USP9X: variants seen among roughly 807,000 people sequenced by gnomAD.
USP9X encodes ubiquitin specific peptidase 9 X-linked, also known as ubiquitin carboxyl-terminal hydrolase 9X.
Under a neutral mutation model 190.3 loss-of-function variants are expected in USP9X, and 7 were observed. The ratio of observed to expected loss-of-function variants is 0.04; its 90% CI spans 0.02 to 0.07. The LOEUF is 0.07. USP9X is among the 10% of genes least tolerant of loss of function. The probability of loss-of-function intolerance (pLI) is 1.00; values close to 1 mark genes in which losing one functional copy is unlikely to be tolerated. For missense variants in USP9X, 1,010 were observed against 1,916.9 expected (o/e 0.53, Z 8.83); for synonymous variants, 645 against 659.5 (o/e 0.98, Z 0.34).
At position 41,215,801 on chromosome X, in the gene USP9X, G is replaced by GATAAGTCTTAAT. The variant is rs763179651; in HGVS notation, c.5332-95_5332-84dup. On this transcript the variant is annotated intron_variant, in intron 34 of 44. Transcript: ENST00000378308. ...GTATTTGTTTATACTTAAAAATTCA[G>GATAAGTCTTAAT]ATAAGTCTTAATATCATTTAAAAGT... 12 of 877,607 alleles carry GATAAGTCTTAAT rather than the reference G, an allele frequency of 1.4e-5. No individual in the cohort carries two copies. The African/African-American group carries it at 2.3e-4, about 17-fold the overall frequency. The allele number at this position is 877,607 out of a possible 1,213,427, so 72.3% of individuals were successfully genotyped here. A position where few individuals can be genotyped will look rare whatever the true frequency, so the allele number is the denominator to read the frequency against.
At chrX:41,230,894 T>C (rs1482785155) in intron 44 of USP9X, among the ~76,000 whole-genome samples, 1 of 111,560 alleles carries the variant, frequency 9.0e-6, no homozygotes, top group Non-Finnish European at 1.9e-5. Context: ...TGCAAAGGAT[T>C]GTGGTGACAT....
chrX:41,092,850 A>G (rs1246510111), intron 1 of USP9X, among the ~76,000 whole-genome samples: 1 of 110,338 alleles, frequency 9.1e-6, no homozygotes, highest in Non-Finnish European at 1.9e-5. Context: ...CTGTTACCAT[A>G]GTTTGCCAGC....
chrX:41,183,952 T>G, intron 21 of USP9X, 46 bp from the exon 22 acceptor site: 1 of 1,169,922 alleles, frequency 8.5e-7, no homozygotes. Flanking sequence ...TAAATATGTA[T>G]GAACACATGA....
At chrX:41,139,638 G>A (rs1569164812) in intron 6 of USP9X, among the ~76,000 whole-genome samples, 1 of 112,300 alleles carries the variant, frequency 8.9e-6, no homozygotes, top group East Asian at 2.8e-4. Context: ...CACTCTGGGC[G>A]ACGAGAGTAA....
chrX:41,214,453 A>G, intron 33 of USP9X, 115 bp from the exon 34 acceptor site: 1 of 715,037 alleles, frequency 1.4e-6, no homozygotes, highest in Non-Finnish European at 1.9e-6. Flanking sequence ...GTGGACATGT[A>G]CCCTAGAACT....
chrX:41,181,272 C>CTTT (rs769952292), intron 21 of USP9X, among the ~76,000 whole-genome samples: 7,249 of 75,356 alleles, frequency 0.096, 450 homozygotes, highest in East Asian at 0.19. Context: ...TTTCTCATTT[C>CTTT]TTTTTTTTTT....
At position 41,228,312 on chromosome X, in the gene USP9X, G is replaced by T. The variant is rs191675302; in HGVS notation, c.7062-941G>T. Reference sequence around the variant, plus strand: ...ATCTTTTTAACACAAAAGAAACAAGGCATGTTTGTGCCCCTACAATCATGT... The same window carrying T: ...ATCTTTTTAACACAAAAGAAACAAGTCATGTTTGTGCCCCTACAATCATGT... On this transcript the variant is annotated intron_variant, in intron 41 of 44. Transcript: ENST00000378308. 9.8e-5 allele frequency among the ~76,000 whole-genome samples: 11 copies of T among 111,940 alleles called. No homozygotes were observed. In the East Asian group the frequency reaches 3.1e-3, roughly 31 times the overall value.
At chrX:41,229,179 C>A in intron 41 of USP9X, 74 bp from the exon 42 acceptor site, 1 of 798,824 alleles carries the variant, frequency 1.3e-6, no homozygotes, top group Non-Finnish European at 1.7e-6. Context: ...TATTGAGTGG[C>A]ACATAGTAGG....
intron 32 of USP9X, 57 bp from the exon 33 acceptor site, chrX:41,210,452 G>T: frequency 1.8e-6 from 2 of 1,124,994 alleles, no homozygotes; most frequent in Non-Finnish European, 2.4e-6. Context: ...AAATATAGTT[G>T]TACATATTGT....
chrX:41,125,668 ACACACACACACACACACTCTCT>A (rs1236244157), intron 2 of USP9X, among the ~76,000 whole-genome samples: 1 of 52,419 alleles, frequency 1.9e-5, no homozygotes, highest in Non-Finnish European at 3.6e-5. Flanking sequence ...ACACACACAC[ACACACACACACACACACTCTCT>A]CTCTCTCTCT....
At chrX:41,126,983 A>G (rs1403515348) in intron 2 of USP9X, among the ~76,000 whole-genome samples, 1 of 111,296 alleles carries the variant, frequency 9.0e-6, no homozygotes, top group Non-Finnish European at 1.9e-5. Flanking sequence ...CAGCCTTGGC[A>G]GAGACACCGT....
chrX:41,204,806 A>C (rs961653841), intron 31 of USP9X, among the ~76,000 whole-genome samples: 8 of 112,150 alleles, frequency 7.1e-5, no homozygotes, highest in Non-Finnish European at 1.3e-4. Flanking sequence ...TATGATGTTC[A>C]CATGACAAAA....
intron 1 of USP9X, among the ~76,000 whole-genome samples, chrX:41,104,745 A>G (rs979332372): frequency 3.6e-5 from 4 of 111,361 alleles, no homozygotes; most frequent in Non-Finnish European, 7.5e-5. Context: ...ACATTCTCCT[A>G]TTAAAGCTTT....
rs1313140586 is a variant in USP9X at position 41,236,000 on chromosome X, A to T, written c.*3476A>T. 1 of 111,081 alleles carries T rather than the reference A, an allele frequency of 9.0e-6. No individual in the cohort carries two copies. Among genetic ancestry groups the T allele is most frequent in the Non-Finnish European group, 1.9e-5 (1 of 52,899 alleles). 9.2% of individuals were successfully genotyped at this position (111,081 alleles called of 1,213,427 possible). On this transcript the variant is annotated 3_prime_UTR_variant, in exon 45 of 45. Coordinates refer to ENST00000378308, the MANE Select transcript of USP9X (RefSeq NM_001039591.3). ...CCCATGAGCTATTTTACTTTGCTGAATTTTGTGGGTAATTTGGTGGATATA... is the reference window on the plus strand; with the variant it reads ...CCCATGAGCTATTTTACTTTGCTGATTTTTGTGGGTAATTTGGTGGATATA...
rs950110044 is a variant in USP9X at position 41,123,405 on chromosome X, G to A, written c.-158-66G>A. 23 of 360,132 alleles carry A rather than the reference G, an allele frequency of 6.4e-5. No homozygotes were observed. The East Asian group carries it at 6.6e-4, about 10-fold the overall frequency. 29.7% of individuals were successfully genotyped at this position (360,132 alleles called of 1,213,427 possible). On this transcript the variant is annotated intron_variant, in intron 1 of 44. Transcript: ENST00000378308. The stretch of plus-strand genomic sequence containing the variant: ...TAGATTCACTGGTGATACTAAATTC[G>A]AACAGTTCCATAATTCATGTTTTTT...
intron 1 of USP9X, among the ~76,000 whole-genome samples, chrX:41,087,742 T>C (rs1419014746): frequency 2.7e-5 from 3 of 112,293 alleles, no homozygotes; most frequent in Non-Finnish European, 5.6e-5. Flanking sequence ...ACTATATGAA[T>C]TCTCTCTACC....
intron 1 of USP9X, among the ~76,000 whole-genome samples, chrX:41,100,280 C>G (rs1163026045): frequency 8.9e-6 from 1 of 112,212 alleles, no homozygotes; most frequent in Non-Finnish European, 1.9e-5. Flanking sequence ...TGCATAAATT[C>G]TTTATATTCT....
At chrX:41,146,685 G>GTTTTTTTTTTTTTTTTTTTTTTTT (rs2062467321) in intron 11 of USP9X, among the ~76,000 whole-genome samples, 1 of 38,019 alleles carries the variant, frequency 2.6e-5, no homozygotes, top group Non-Finnish European at 4.5e-5. Flanking sequence ...TTTTTTTTTT[G>GTTTTTTTTTTTTTTTTTTTTTTTT]GGTGAATGCC....
At chrX:41,186,411 T>C in intron 23 of USP9X, 106 bp from the exon 24 acceptor site, 1 of 939,606 alleles carries the variant, frequency 1.1e-6, no homozygotes, top group Non-Finnish European at 1.5e-6. Flanking sequence ...AATGTGTATA[T>C]GCAAGGAAGT....
Sources: allele counts gnomAD v4.1 joint callset (sites outside exome capture counted in the v4.1 genomes callset), GRCh38; gene constraint gnomAD v4.1.1; transcripts MANE v1.5; gene names NCBI Gene and HGNC (gene_info 2026-07-23, HGNC 2026-07-21).